The following GPM6A variants were observed in gnomAD, a reference collection of about 807,000 sequenced individuals.
The protein encoded by GPM6A is glycoprotein M6A, also known as neuronal membrane glycoprotein M6-a.
Under a neutral mutation model 32.1 loss-of-function variants are expected in GPM6A, and 7 were observed. The observed-to-expected ratio is 0.22, with a 90% CI of 0.12 to 0.41. The LOEUF (loss-of-function observed/expected upper bound fraction) is 0.41. Among genes scored for constraint, GPM6A ranks in the 10% least tolerant of loss-of-function variants. The probability of loss-of-function intolerance (pLI) is 1.00; values close to 1 mark genes in which losing one functional copy is unlikely to be tolerated. For missense variants in GPM6A, 235 were observed against 347.2 expected (o/e 0.68, Z 2.57); for synonymous variants, 130 against 123.4 (o/e 1.05, Z -0.35).
chr4:175,963,761 G>C (rs779388303), intron 1 of GPM6A, among the ~76,000 whole-genome samples: 2 of 152,082 alleles, frequency 1.3e-5, no homozygotes, highest in Non-Finnish European at 1.5e-5. Context: ...TGACATAGCA[G>C]ATAGCAGCTG....
intron 1 of GPM6A, among the ~76,000 whole-genome samples, chr4:175,994,830 T>C (rs1741254972): frequency 6.6e-6 from 1 of 152,236 alleles, no homozygotes. Flanking sequence ...TTACTCATAG[T>C]AGAACTTTCA....
chr4:175,682,880 G>T (rs1453230924), intron 2 of GPM6A, among the ~76,000 whole-genome samples: 1 of 152,160 alleles, frequency 6.6e-6, no homozygotes, highest in African/African-American at 2.4e-5. Flanking sequence ...GGCCTCACAA[G>T]AACCTCTGCT....
At chr4:175,685,374 G>A (rs1743920843) in intron 2 of GPM6A, among the ~76,000 whole-genome samples, 2 of 152,108 alleles carry the variant, frequency 1.3e-5, no homozygotes, top group African/African-American at 4.8e-5. Flanking sequence ...TTACATCTTT[G>A]AGGAGTGTTT....
At chr4:175,924,066 C>T (rs528293619) in intron 1 of GPM6A, among the ~76,000 whole-genome samples, 2 of 152,190 alleles carry the variant, frequency 1.3e-5, no homozygotes, top group African/African-American at 2.4e-5. Context: ...CTCAAATAAG[C>T]AAAGATGCAT....
intron 1 of GPM6A, among the ~76,000 whole-genome samples, chr4:175,784,608 A>G (rs1382710556): frequency 6.6e-6 from 1 of 152,226 alleles, no homozygotes; most frequent in Non-Finnish European, 1.5e-5. Flanking sequence ...AATTCATCTC[A>G]TGAGTAAATA....
intron 1 of GPM6A, among the ~76,000 whole-genome samples, chr4:175,756,413 C>G (rs1732526755): frequency 6.6e-6 from 1 of 151,972 alleles, no homozygotes; most frequent in South Asian, 2.1e-4. Context: ...GAATATATGG[C>G]AATCTTGAAA....
At position 175,880,940 on chromosome 4, in the gene GPM6A, C is replaced by T. The variant is rs529816215; in HGVS notation, c.-22-68691G>A. The stretch of plus-strand genomic sequence containing the variant: ...ACACTATGTTGAATAGGAGTGGTGA[C>T]AGAGGGCATCCCCGTCTTGTGCCAG... On this transcript the variant is annotated intron_variant, in intron 1 of 7. Transcript: ENST00000280187. Among the ~76,000 whole-genome samples, 12 of 152,180 alleles carry T rather than the reference C, an allele frequency of 7.9e-5. No individual in the cohort carries two copies. In the East Asian group the frequency reaches 2.3e-3, roughly 29 times the overall value.
At chr4:175,940,174 T>A (rs1259650900) in intron 1 of GPM6A, among the ~76,000 whole-genome samples, 2 of 152,186 alleles carry the variant, frequency 1.3e-5, no homozygotes, top group Non-Finnish European at 2.9e-5. Flanking sequence ...AAAAGCACCG[T>A]ACATTGATTC....
At chr4:175,810,419 C>A (rs1179328123) in intron 1 of GPM6A, among the ~76,000 whole-genome samples, 1 of 152,052 alleles carries the variant, frequency 6.6e-6, no homozygotes, top group Non-Finnish European at 1.5e-5. Context: ...TGCTTTCCAC[C>A]ACTGCTGCTG....
intron 4 of GPM6A, chr4:175,641,405 A>G (rs1040237504): frequency 2.0e-5 from 3 of 152,660 alleles, no homozygotes; most frequent in Non-Finnish European, 2.9e-5. Context: ...GTATTTTTAG[A>G]CTCTAACACA....
At chr4:175,977,971 G>A (rs115918487) in intron 1 of GPM6A, among the ~76,000 whole-genome samples, 276 of 152,278 alleles carry the variant, frequency 1.8e-3, no homozygotes, top group Middle Eastern at 0.014. Context: ...CTTCAATGCT[G>A]TCAGGTTCAA....
Position 175,633,255 on chromosome 4 carries a change from A to G in GPM6A, c.*1650T>C, listed in dbSNP as rs1462256210. 1 of 152,488 alleles carries G rather than the reference A, an allele frequency of 6.6e-6. No individual in the cohort carries two copies. Among genetic ancestry groups the G allele is most frequent in the Non-Finnish European group, 1.5e-5 (1 of 67,924 alleles). The allele number at this position is 152,488 out of a possible 1,614,324, so 9.4% of individuals were successfully genotyped here. ...TTTTGCTGAATATCTGTAATACTGC[A>G]TATATCAGAAAAATGTTGAACCAGT... is the stretch of plus-strand genomic sequence containing the variant. On this transcript the variant is annotated 3_prime_UTR_variant, in exon 7 of 7. Transcript: ENST00000393658.
chr4:175,817,927 A>G (rs1441279744), intron 1 of GPM6A, among the ~76,000 whole-genome samples: 1 of 152,226 alleles, frequency 6.6e-6, no homozygotes, highest in Non-Finnish European at 1.5e-5. Flanking sequence ...CTTGTACTCC[A>G]TAAGTTTGGA....
intron 1 of GPM6A, among the ~76,000 whole-genome samples, chr4:175,909,817 TA>T (rs1738256754): frequency 1.3e-5 from 2 of 152,082 alleles, no homozygotes; most frequent in Non-Finnish European, 2.9e-5. Context: ...TTAAACAACA[TA>T]TTTAATGAGA....
chr4:175,886,754 CACAA>C (rs377050563), intron 1 of GPM6A, among the ~76,000 whole-genome samples: 3 of 147,856 alleles, frequency 2.0e-5, no homozygotes, highest in African/African-American at 5.0e-5. Context: ...CACACACACA[CACAA>C]ACACACACCA....
intron 2 of GPM6A, among the ~76,000 whole-genome samples, chr4:175,681,761 C>T (rs1313926202): frequency 6.6e-6 from 1 of 152,150 alleles, no homozygotes; most frequent in Admixed American, 6.5e-5. Context: ...CAGATGCCAG[C>T]ACCATGCTTC....
intron 6 of GPM6A, among the ~76,000 whole-genome samples, chr4:175,637,566 A>C (rs1373426600): frequency 6.4e-5 from 1 of 15,550 alleles, no homozygotes; most frequent in Non-Finnish European, 1.2e-4. Context: ...ATAAAAATAT[A>C]TTATATATTA....
At chr4:175,680,965 TC>T (rs1743652623) in intron 2 of GPM6A, among the ~76,000 whole-genome samples, 1 of 152,196 alleles carries the variant, frequency 6.6e-6, no homozygotes, top group Non-Finnish European at 1.5e-5. Context: ...TGCATACTAC[TC>T]CATGTGTATT....
chr4:175,770,679 T>A (rs570450165), intron 1 of GPM6A, among the ~76,000 whole-genome samples: 1 of 152,312 alleles, frequency 6.6e-6, no homozygotes, highest in Admixed American at 6.5e-5. Context: ...GAAGACTGAA[T>A]TCCAACATCC....
Sources: allele counts gnomAD v4.1 joint callset (sites outside exome capture counted in the v4.1 genomes callset), GRCh38; gene constraint gnomAD v4.1.1; transcripts MANE v1.5; gene names NCBI Gene and HGNC (gene_info 2026-07-23, HGNC 2026-07-21).